Variants in ADARB1 observed in about 807,000 individuals in gnomAD.
The protein encoded by ADARB1 is double-stranded RNA-specific editase 1.
In ADARB1, 10 loss-of-function variants were observed where a neutral mutation model predicts 52.4. The ratio of observed to expected loss-of-function variants is 0.19; its 90% CI spans 0.12 to 0.32. ADARB1 has a LOEUF of 0.32. Among genes scored for constraint, ADARB1 ranks in the 10% least tolerant of loss-of-function variants. The pLI, the probability that ADARB1 is intolerant of heterozygous loss-of-function variation, is 1.00. For synonymous variants in ADARB1, 349 were observed against 371.1 expected (o/e 0.94, Z 0.68); for missense variants, 643 against 922.3 (o/e 0.70, Z 3.92).
intron 1 of ADARB1, among the ~76,000 whole-genome samples, chr21:45,091,114 T>G (rs185840235): frequency 2.0e-5 from 3 of 152,358 alleles, no homozygotes; most frequent in Admixed American, 2.0e-4. Context: ...GGTTTAGCAG[T>G]GAATGAAATA....
At chr21:45,139,917 T>A in intron 2 of ADARB1, among the ~76,000 whole-genome samples, 1 of 150,240 alleles carries the variant, frequency 6.7e-6, no homozygotes, top group Admixed American at 6.6e-5. Flanking sequence ...AGGTAAAATG[T>A]ACAGACAATA....
At chr21:45,084,894 A>C (rs552540958) in intron 1 of ADARB1, among the ~76,000 whole-genome samples, 1 of 152,276 alleles carries the variant, frequency 6.6e-6, no homozygotes, top group Admixed American at 6.5e-5. Flanking sequence ...TCCTTGAAAA[A>C]AGGAATCTTT....
intron 2 of ADARB1, among the ~76,000 whole-genome samples, chr21:45,156,013 C>A (rs2090571574): frequency 2.0e-5 from 3 of 148,808 alleles, no homozygotes; most frequent in Non-Finnish European, 3.0e-5. Context: ...CATCCACTCA[C>A]CCACCCACCA....
At chr21:45,086,127 G>A (rs982147852) in intron 1 of ADARB1, among the ~76,000 whole-genome samples, 1 of 152,214 alleles carries the variant, frequency 6.6e-6, no homozygotes, top group Admixed American at 6.5e-5. Flanking sequence ...GGATAGGGCG[G>A]TGCTGTTGGA....
At chr21:45,144,738 A>T in intron 2 of ADARB1, 1 of 421,412 alleles carries the variant, frequency 2.4e-6, no homozygotes, top group Middle Eastern at 3.3e-4. Context: ...ATGAATTAAT[A>T]TGCAGTAAGA....
chr21:45,121,452 G>C (rs1387276555), intron 1 of ADARB1, among the ~76,000 whole-genome samples: 1 of 152,104 alleles, frequency 6.6e-6, no homozygotes, highest in Non-Finnish European at 1.5e-5. Flanking sequence ...CTGGGCATCC[G>C]CTCTCAGCCT....
At chr21:45,194,953 T>G (rs1273262272) in intron 8 of ADARB1, among the ~76,000 whole-genome samples, 1 of 152,182 alleles carries the variant, frequency 6.6e-6, no homozygotes, top group Non-Finnish European at 1.5e-5. Context: ...GAATGCTGGG[T>G]AGTATGGTGA....
At chr21:45,146,937 T>G (rs1479965317) in intron 2 of ADARB1, among the ~76,000 whole-genome samples, 1 of 152,166 alleles carries the variant, frequency 6.6e-6, no homozygotes, top group Non-Finnish European at 1.5e-5. Context: ...CTTCTCAAAT[T>G]GTTTCTGTCC....
chr21:45,110,311 C>T (rs2087476928), intron 1 of ADARB1, among the ~76,000 whole-genome samples: 1 of 152,124 alleles, frequency 6.6e-6, no homozygotes, highest in African/African-American at 2.4e-5. Flanking sequence ...TCTGTTTATT[C>T]TATGAAATAA....
Position 45,075,744 on chromosome 21 carries a change from A to G in ADARB1, c.-220+951A>G, listed in dbSNP as rs575617988. Among the ~76,000 whole-genome samples, 7 of 152,344 alleles carry G rather than the reference A, an allele frequency of 4.6e-5. No homozygotes were observed. In the East Asian group the frequency reaches 1.2e-3, roughly 25 times the overall value. ...AAAACGTGTTCCTGTCCAGGTTTCT[A>G]TGTCGGAGATCTGCACCGTGGTGTT... is the stretch of plus-strand genomic sequence containing the variant. On this transcript the variant is annotated intron_variant, in intron 1 of 10. Coordinates refer to ENST00000348831, the MANE Select transcript of ADARB1 (RefSeq NM_001112.4).
chr21:45,171,877 T>C, intron 3 of ADARB1, 193 bp downstream of exon 3: 1 of 579,248 alleles, frequency 1.7e-6, no homozygotes, highest in Non-Finnish European at 3.0e-6. Flanking sequence ...GCAGACGTTT[T>C]TCCTTCCTCG....
intron 1 of ADARB1, among the ~76,000 whole-genome samples, chr21:45,109,185 ATATG>A (rs1601380199): frequency 9.5e-6 from 1 of 105,746 alleles, no homozygotes; most frequent in African/African-American, 3.5e-5. Flanking sequence ...GCGTGTGCGT[ATATG>A]TGTGTGCACG....
intron 2 of ADARB1, among the ~76,000 whole-genome samples, chr21:45,171,349 C>G (rs2091474078): frequency 6.6e-6 from 1 of 152,240 alleles, no homozygotes; most frequent in South Asian, 2.1e-4. Context: ...CTCATCATCC[C>G]TCCATGTGGG....
intron 1 of ADARB1, among the ~76,000 whole-genome samples, chr21:45,096,435 C>T (rs2086764399): frequency 6.6e-6 from 1 of 152,270 alleles, no homozygotes; most frequent in African/African-American, 2.4e-5. Context: ...TCCTGCAGGT[C>T]TGGGCTGGCT....
chr21:45,140,414 G>A (rs1463487787), intron 2 of ADARB1, among the ~76,000 whole-genome samples: 1 of 152,196 alleles, frequency 6.6e-6, no homozygotes, highest in African/African-American at 2.4e-5. Context: ...ACCTAGACCA[G>A]GCTGTGAGGT....
intron 8 of ADARB1, among the ~76,000 whole-genome samples, chr21:45,201,628 A>G (rs188416028): frequency 5.9e-5 from 9 of 152,340 alleles, no homozygotes; most frequent in Non-Finnish European, 8.8e-5. Flanking sequence ...CATTCGACAC[A>G]TATTTATTGA....
intron 9 of ADARB1, among the ~76,000 whole-genome samples, chr21:45,219,787 C>T (rs1465038668): frequency 2.0e-5 from 3 of 152,118 alleles, no homozygotes; most frequent in Admixed American, 2.0e-4. Flanking sequence ...AGGTCTCTGG[C>T]GAAGCTTCCC....
chr21:45,139,198 GGCGT>G (rs1463050016), intron 2 of ADARB1, among the ~76,000 whole-genome samples: 4 of 152,184 alleles, frequency 2.6e-5, no homozygotes, highest in African/African-American at 7.2e-5. Context: ...TGGGATTACA[GGCGT>G]GAGTCACTGC....
chr21:45,076,038 C>A (rs1375194425), intron 1 of ADARB1, among the ~76,000 whole-genome samples: 1 of 151,980 alleles, frequency 6.6e-6, no homozygotes, highest in Non-Finnish European at 1.5e-5. Flanking sequence ...AAGGTGCCAC[C>A]CAGAGCTGCA....
Sources: gnomAD v4.1 joint callset for allele counts (sites outside exome capture counted in the v4.1 genomes callset) on GRCh38, gnomAD v4.1.1 for gene constraint, MANE v1.5 for transcripts, NCBI Gene and HGNC (gene_info 2026-07-23, HGNC 2026-07-21) for gene names.